Variants in HID1 observed in about 807,000 individuals in gnomAD.
HID1 encodes protein HID1.
A neutral mutation model predicts 89.7 loss-of-function variants in HID1; 42 were observed. The observed-to-expected ratio is 0.47, with a 90% CI of 0.37 to 0.61. The LOEUF (loss-of-function observed/expected upper bound fraction) is 0.61, where lower values mean the gene tolerates loss of function less well. HID1 is among the 20% of genes least tolerant of loss of function. The pLI is 0.00. For synonymous variants in HID1, 442 were observed against 433.8 expected (o/e 1.02, Z -0.24); for missense variants, 854 against 1,039.3 (o/e 0.82, Z 2.45).
intron 2 of HID1, 109 bp downstream of exon 2, chr17:74,964,374 C>G (rs578203264): frequency 8.0e-7 from 1 of 1,248,636 alleles, no homozygotes; most frequent in Non-Finnish European, 1.1e-6. Flanking sequence ...CTGAGTGAGG[C>G]CACAGGGCTG....
Position 74,962,261 on chromosome 17 carries a change from TG to T in HID1, c.583del (p.Gln195SerfsTer8). On this transcript the variant is annotated frameshift_variant, in exon 5 of 19. Coordinates refer to ENST00000425042, the MANE Select transcript of HID1 (RefSeq NM_030630.3). LOFTEE classifies it high-confidence loss of function. This position sits in a 1 kb window ranked among gnomAD's most constrained non-coding sequence, Gnocchi z 4.3. ...GTTCATATCGTGGATGTAGTTAGGCTGGGGGGAGTGAGCGAAGCCCACACCA... is the reference window on the plus strand; with the variant it reads ...GTTCATATCGTGGATGTAGTTAGGCTGGGGGAGTGAGCGAAGCCCACACCA... ...EAGVGFAHSPQPNYIHDMNRM... is the reference protein window; with the variant it reads ...EAGVGFAHSPXPNYIHDMNRM... 6.2e-7 allele frequency: 1 copy of T among 1,611,284 alleles called. No individual in the cohort carries two copies.
At chr17:74,968,542 G>A (rs2039596899) in intron 1 of HID1, among the ~76,000 whole-genome samples, 2 of 152,340 alleles carry the variant, frequency 1.3e-5, no homozygotes, top group Middle Eastern at 3.4e-3. Context: ...CTGGTAGAGC[G>A]AGTTCTTCAC....
At chr17:74,967,695 T>C (rs1051115812) in intron 1 of HID1, 5 of 144,038 alleles carry the variant, frequency 3.5e-5, no homozygotes, top group African/African-American at 1.0e-4. Flanking sequence ...ACAAAAAAAA[T>C]CAAAAAAATT....
intron 3 of HID1, 51 bp from the exon 4 acceptor site, chr17:74,963,132 G>C: frequency 7.4e-7 from 1 of 1,360,490 alleles, no homozygotes; most frequent in African/African-American, 1.4e-5. Context: ...GCCAGGAAGA[G>C]GTGGCCCAGG....
intron 16 of HID1, among the ~76,000 whole-genome samples, chr17:74,952,722 T>C (rs2039323578): frequency 6.6e-6 from 1 of 152,092 alleles, no homozygotes; most frequent in African/African-American, 2.4e-5. Context: ...GAGTGATTTA[T>C]TAAGGAAGAG....
Position 74,958,145 on chromosome 17 carries a change from G to T in HID1, c.1467C>A (p.Val489=). The part of the protein sequence containing the change: ...PLFDCLLTIV[V]NVSPYLKSLS... ...GTGCAAGCTCCGGGCCCCTACCGTT[G>T]ACCACGATGGTGAGCAGGCAGTCGA... The change falls in exon 12 of 19, where the codon GTC becomes GTA. Residue 489 remains valine, a synonymous_variant. Coordinates refer to ENST00000425042, the MANE Select transcript of HID1 (RefSeq NM_030630.3). The surrounding 1 kb of genome is among the most constrained non-coding windows in gnomAD (Gnocchi z 5.2). 1 of 1,606,846 alleles carries T rather than the reference G, an allele frequency of 6.2e-7. No homozygotes were observed. Among genetic ancestry groups the T allele is most frequent in the South Asian group, 1.1e-5 (1 of 89,626 alleles).
In HID1 at chr17:74,972,690, C is replaced by T; in HGVS notation, c.-34G>A. 6.6e-7 allele frequency: 1 copy of T among 1,523,884 alleles called. No homozygotes were observed. The highest frequency in any genetic ancestry group is 8.8e-7 in the Non-Finnish European group (1 of 1,133,508). 94.4% of individuals were successfully genotyped at this position (1,523,884 alleles called of 1,614,324 possible). A position where few individuals can be genotyped will look rare whatever the true frequency, so the allele number is the denominator to read the frequency against. On this transcript the variant is annotated 5_prime_UTR_variant, in exon 1 of 19. Transcript: ENST00000425042. The surrounding 1 kb of genome is among the most constrained non-coding windows in gnomAD (Gnocchi z 6.4). ...AGCCCGCTCCGGCCCGGCCCCCGCC[C>T]AGACTCCAACCCGGCTCCGGCTTCA...
chr17:74,961,817 T>C, intron 6 of HID1, 56 bp downstream of exon 6: 2 of 1,140,728 alleles, frequency 1.8e-6, no homozygotes, highest in Non-Finnish European at 2.4e-6. Context: ...TGGACTCAGC[T>C]CTGGATTGCC....
At chr17:74,953,509 C>T in intron 15 of HID1, 36 bp downstream of exon 15, 1 of 1,571,930 alleles carries the variant, frequency 6.4e-7, no homozygotes, top group Non-Finnish European at 8.7e-7. Flanking sequence ...AGGGAAGGGC[C>T]AGCCACGCCC....
intron 3 of HID1, 138 bp downstream of exon 3, chr17:74,963,602 C>A (rs899002420): frequency 1.6e-5 from 13 of 828,334 alleles, no homozygotes; most frequent in Non-Finnish European, 2.2e-5. Flanking sequence ...AACACCATCC[C>A]TCAGCAGCAC....
intron 1 of HID1, among the ~76,000 whole-genome samples, chr17:74,971,951 T>C (rs1457940917): frequency 1.3e-5 from 2 of 152,048 alleles, no homozygotes; most frequent in Non-Finnish European, 2.9e-5. Flanking sequence ...GGAAGGCCCC[T>C]GGAGAGGTCC....
At chr17:74,966,050 A>G (rs1598633338) in intron 1 of HID1, among the ~76,000 whole-genome samples, 2 of 149,782 alleles carry the variant, frequency 1.3e-5, no homozygotes, top group Admixed American at 6.7e-5. Context: ...ACTTTGGGAG[A>G]CTGAGGCGGG....
intron 6 of HID1, among the ~76,000 whole-genome samples, chr17:74,960,812 G>A (rs778276965): frequency 5.9e-5 from 9 of 152,224 alleles, no homozygotes; most frequent in Non-Finnish European, 1.2e-4. Flanking sequence ...TGTCATGTAG[G>A]GACCAGAGTC....
rs781471632 is a variant in HID1 at position 74,958,150 on chromosome 17, C to T, written c.1462G>A (p.Val488Met). The change falls in exon 12 of 19, where the codon GTG (valine) becomes ATG (methionine). Residue 488 changes from valine to methionine, a missense_variant. Transcript: ENST00000425042. The surrounding 1 kb of genome is among the most constrained non-coding windows in gnomAD (Gnocchi z 5.2). ...AGCTCCGGGCCCCTACCGTTGACCACGATGGTGAGCAGGCAGTCGAAGAGG... is the reference window on the plus strand; with the variant it reads ...AGCTCCGGGCCCCTACCGTTGACCATGATGGTGAGCAGGCAGTCGAAGAGG... ...QPLFDCLLTI[V>M]VNVSPYLKSL... The T allele has an allele frequency of 4.4e-6, 7 of 1,608,208 alleles. No individual in the cohort carries two copies. Among genetic ancestry groups the T allele is most frequent in the African/African-American group, 2.7e-5 (2 of 74,800 alleles).
chr17:74,956,076 G>A, intron 12 of HID1, 120 bp from the exon 13 acceptor site: 1 of 1,005,522 alleles, frequency 9.9e-7, no homozygotes, highest in Non-Finnish European at 1.5e-6. Context: ...TGCAGAGCCA[G>A]GACGACCAAG....
rs538454436 is a variant in HID1, at chr17:74,964,799, A to ACCC, written c.67-170_67-168dup. On this transcript the variant is annotated intron_variant, in intron 1 of 18. Transcript: ENST00000425042. ...TGGGGGACATACTTCAGCCACCACAACCCCTGGACAGCACAGTCAGGCTGG... is the reference window on the plus strand; with the variant it reads ...TGGGGGACATACTTCAGCCACCACAACCCCCCCTGGACAGCACAGTCAGGCTGG... Among the ~76,000 whole-genome samples, 37 of 152,220 alleles carry ACCC rather than the reference A, an allele frequency of 2.4e-4. No homozygotes were observed. The East Asian group carries it at 6.8e-3, about 28-fold the overall frequency.
At chr17:74,970,445 A>C (rs2039629503) in intron 1 of HID1, among the ~76,000 whole-genome samples, 1 of 152,238 alleles carries the variant, frequency 6.6e-6, no homozygotes, top group Admixed American at 6.5e-5. Context: ...TCTGGCCTGC[A>C]GCAGAGAATT....
intron 12 of HID1, among the ~76,000 whole-genome samples, chr17:74,957,789 A>G (rs1002316971): frequency 1.3e-5 from 2 of 151,966 alleles, no homozygotes; most frequent in African/African-American, 4.8e-5. Context: ...AATCCCACCT[A>G]CTCAGGAGGC....
chr17:74,958,659 C>A lies in HID1; in HGVS notation c.1240+14G>T, dbSNP rs777474224. On this transcript the variant is annotated intron_variant, in intron 10 of 18. Transcript: ENST00000425042. This position sits in a 1 kb window ranked among gnomAD's most constrained non-coding sequence, Gnocchi z 5.2. ...AGGAAAGCCCCCAGCATCCCACCCCCACCCTGGTCTTACACTGATCGGCCC... is the reference window on the plus strand; with the variant it reads ...AGGAAAGCCCCCAGCATCCCACCCCAACCCTGGTCTTACACTGATCGGCCC... 2.6e-6 allele frequency: 4 copies of A among 1,538,556 alleles called. No homozygotes were observed. Among genetic ancestry groups the A allele is most frequent in the South Asian group, 2.2e-5 (2 of 89,420 alleles).
Sources: allele counts gnomAD v4.1 joint callset (sites outside exome capture counted in the v4.1 genomes callset), GRCh38; gene constraint gnomAD v4.1.1; non-coding constraint Gnocchi (gnomAD v3.1); transcripts MANE v1.5; gene names NCBI Gene and HGNC (gene_info 2026-07-23, HGNC 2026-07-21).